GRID1: variants seen among roughly 807,000 people sequenced by gnomAD.
GRID1 encodes the protein glutamate ionotropic receptor delta type subunit 1, also known as glutamate receptor ionotropic, delta-1.
Under a neutral mutation model 98.0 loss-of-function variants are expected in GRID1, and 28 were observed. That is an observed-to-expected ratio of 0.29 (90% confidence interval 0.21 to 0.39). GRID1 has a LOEUF of 0.39. Among genes scored for constraint, GRID1 ranks in the 10% least tolerant of loss-of-function variants. The probability of loss-of-function intolerance (pLI) is 1.00; values close to 1 mark genes in which losing one functional copy is unlikely to be tolerated. For synonymous variants in GRID1, 553 were observed against 538.5 expected (o/e 1.03, Z -0.37); for missense variants, 1,111 against 1,340.5 (o/e 0.83, Z 2.67).
Position 85,916,101 on chromosome 10 carries a change from T to A in GRID1, c.780+85A>T. On this transcript the variant is annotated intron_variant, in intron 5 of 15. Transcript: ENST00000327946. The surrounding 1 kb of genome is among the most constrained non-coding windows in gnomAD (Gnocchi z 4.0). Reference sequence around the variant, plus strand: ...TTCACAACAGCCCCCTAAGTCAGAATTGAACTGAAAAGAATCACACTGAGC... The same window carrying A: ...TTCACAACAGCCCCCTAAGTCAGAAATGAACTGAAAAGAATCACACTGAGC... 1 of 1,056,448 alleles carries A rather than the reference T, an allele frequency of 9.5e-7. No homozygotes were observed. Among genetic ancestry groups the A allele is most frequent in the Non-Finnish European group, 1.5e-6 (1 of 686,150 alleles). The allele number at this position is 1,056,448 out of a possible 1,614,324, so 65.4% of individuals were successfully genotyped here.
In GRID1 at chr10:85,677,046, G is replaced by A. The variant is rs115895517; in HGVS notation, c.1998-29649C>T. Among the ~76,000 whole-genome samples the A allele has an allele frequency of 1.0e-3, 157 of 152,292 alleles. 1 individual carries two copies. Among genetic ancestry groups the A allele is most frequent in the African/African-American group, 3.7e-3 (153 of 41,554 alleles). The stretch of plus-strand genomic sequence containing the variant: ...ATTTTTCAGCCCCTGTATTTGGACT[G>A]AAGATTCTAAACTCTCTTGATGATT... On this transcript the variant is annotated intron_variant, in intron 12 of 15. Transcript: ENST00000327946.
chr10:85,649,468 G>C (rs750612231), intron 12 of GRID1, among the ~76,000 whole-genome samples: 2 of 151,840 alleles, frequency 1.3e-5, no homozygotes, highest in Non-Finnish European at 2.9e-5. Context: ...TAATTTGCCT[G>C]TAATGAAAGG....
In GRID1 at chr10:86,190,153, C is replaced by G. The variant is rs112719490; in HGVS notation, c.520+16211G>C. 5.3e-3 allele frequency among the ~76,000 whole-genome samples: 805 copies of G among 152,316 alleles called. 3 individuals are homozygous for G. Among genetic ancestry groups the G allele is most frequent in the Non-Finnish European group, 9.0e-3 (609 of 68,024 alleles). ...GTGTCACCATCTAGTCGCCCACCCC[C>G]AAGCAGGTCACAAACACTATGTGAG... On this transcript the variant is annotated intron_variant, in intron 3 of 15. Coordinates refer to ENST00000327946, the MANE Select transcript of GRID1 (RefSeq NM_017551.3).
At chr10:86,061,920 T>G (rs568325864) in intron 4 of GRID1, among the ~76,000 whole-genome samples, 2 of 152,192 alleles carry the variant, frequency 1.3e-5, no homozygotes, top group African/African-American at 4.8e-5. Flanking sequence ...AGAAAAGAGA[T>G]GAGGAAGCAG....
At chr10:85,633,527 G>C (rs1313163659) in intron 13 of GRID1, among the ~76,000 whole-genome samples, 1 of 152,166 alleles carries the variant, frequency 6.6e-6, no homozygotes. Context: ...AGCCATAAAG[G>C]GTTGCTGGGA....
At chr10:85,722,107 G>A (rs1043803126) in intron 12 of GRID1, among the ~76,000 whole-genome samples, 2 of 152,106 alleles carry the variant, frequency 1.3e-5, no homozygotes. Flanking sequence ...TCCTAGGCAA[G>A]GAGTTTAAAC....
chr10:85,886,893 T>G (rs1841125575), intron 5 of GRID1, among the ~76,000 whole-genome samples: 1 of 152,230 alleles, frequency 6.6e-6, no homozygotes, highest in South Asian at 2.1e-4. Context: ...TCTAAACTTA[T>G]ACAGGGCTAT....
At chr10:86,173,977 T>C (rs1344297535) in intron 3 of GRID1, among the ~76,000 whole-genome samples, 1 of 152,158 alleles carries the variant, frequency 6.6e-6, no homozygotes, top group African/African-American at 2.4e-5. Context: ...AGTCAATCAT[T>C]GTTGGACTTC....
intron 2 of GRID1, among the ~76,000 whole-genome samples, chr10:86,281,456 T>A (rs976619512): frequency 2.6e-5 from 4 of 152,192 alleles, no homozygotes; most frequent in Non-Finnish European, 5.9e-5. Flanking sequence ...CTGTAACATT[T>A]CTGCTGCCTC....
In GRID1 at chr10:85,601,236, A is replaced by C. The variant is rs1842570461; in HGVS notation, c.*1037T>G. 1 of 152,532 alleles carries C rather than the reference A, an allele frequency of 6.6e-6. No homozygotes were observed. The highest frequency in any genetic ancestry group is 2.1e-4 in the South Asian group (1 of 4,838). The allele number at this position is 152,532 out of a possible 1,614,324, so 9.4% of individuals were successfully genotyped here. On this transcript the variant is annotated 3_prime_UTR_variant, in exon 16 of 16. Transcript: ENST00000327946. ...TACTAACAGAGTCCGTTTGCCTGAC[A>C]CCACAAAGCTTCTACTCCCTGCATC...
intron 8 of GRID1, among the ~76,000 whole-genome samples, chr10:85,732,959 T>C (rs1256285540): frequency 6.6e-6 from 1 of 152,164 alleles, no homozygotes; most frequent in African/African-American, 2.4e-5. Context: ...CTGCCTGGAA[T>C]GCCCTTTCTC....
At chr10:86,076,324 C>G (rs1380384250) in intron 4 of GRID1, among the ~76,000 whole-genome samples, 5 of 152,124 alleles carry the variant, frequency 3.3e-5, no homozygotes, top group African/African-American at 7.2e-5. Context: ...AAGTAATTAA[C>G]AGGTGATATG....
chr10:86,297,014 TA>T (rs775991702), intron 2 of GRID1, among the ~76,000 whole-genome samples: 3 of 152,156 alleles, frequency 2.0e-5, no homozygotes, highest in Non-Finnish European at 2.9e-5. Flanking sequence ...ATGGCTTGAA[TA>T]AATAGAGAAA....
At chr10:86,283,187 C>A (rs914003271) in intron 2 of GRID1, among the ~76,000 whole-genome samples, 3 of 152,204 alleles carry the variant, frequency 2.0e-5, no homozygotes, top group Non-Finnish European at 4.4e-5. Flanking sequence ...TTGGCACCAT[C>A]TCCTCCAGGT....
intron 12 of GRID1, among the ~76,000 whole-genome samples, chr10:85,667,545 G>A (rs943268244): frequency 6.6e-6 from 1 of 152,204 alleles, no homozygotes; most frequent in Non-Finnish European, 1.5e-5. Context: ...AGCCCAGAAG[G>A]TTAATTAGCT....
chr10:86,114,254 G>A (rs908514104), intron 4 of GRID1, among the ~76,000 whole-genome samples: 1 of 152,074 alleles, frequency 6.6e-6, no homozygotes, highest in African/African-American at 2.4e-5. Flanking sequence ...CTAAATCCAT[G>A]GGGCCACCAT....
At chr10:86,041,494 G>A (rs143290439) in intron 4 of GRID1, among the ~76,000 whole-genome samples, 1 of 152,280 alleles carries the variant, frequency 6.6e-6, no homozygotes, top group African/African-American at 2.4e-5. Context: ...CTGAAAAGAG[G>A]GGGCTTGCAG....
At chr10:85,873,933 T>G (rs545032947) in intron 5 of GRID1, among the ~76,000 whole-genome samples, 56 of 152,352 alleles carry the variant, frequency 3.7e-4, no homozygotes, top group African/African-American at 1.3e-3. Context: ...TAGTGATTGA[T>G]TCATGGCTGA....
intron 3 of GRID1, among the ~76,000 whole-genome samples, chr10:86,177,663 CAG>C (rs1234674527): frequency 6.6e-6 from 1 of 150,648 alleles, no homozygotes; most frequent in Non-Finnish European, 1.5e-5. Flanking sequence ...GTGTGAGAGA[CAG>C]AGATCCATTT....
Sources: allele counts gnomAD v4.1 joint callset (sites outside exome capture counted in the v4.1 genomes callset), GRCh38; gene constraint gnomAD v4.1.1; non-coding constraint Gnocchi (gnomAD v3.1); transcripts MANE v1.5; gene names NCBI Gene and HGNC (gene_info 2026-07-23, HGNC 2026-07-21).